Variants in PIEZO1 observed in about 807,000 individuals in gnomAD.
The protein encoded by PIEZO1 is piezo type mechanosensitive ion channel component 1 (Er blood group), also known as piezo-type mechanosensitive ion channel component 1.
Under a neutral mutation model 297.2 loss-of-function variants are expected in PIEZO1, and 296 were observed. That is an observed-to-expected ratio of 1.00 (90% CI 0.91 to 1.10). The LOEUF is 1.10. Among genes scored for constraint, PIEZO1 ranks in the 50% least tolerant of loss-of-function variants. The probability of loss-of-function intolerance (pLI) is 0.00; values close to 1 mark genes in which losing one functional copy is unlikely to be tolerated. For synonymous variants in PIEZO1, 2,427 were observed against 1,507.5 expected, an observed-to-expected ratio of 1.61 and a Z score of -14.13; for missense variants, 5,018 against 3,455.5, an observed-to-expected ratio of 1.45 and a Z score of -11.34.
rs1227330686 is a variant in PIEZO1 at position 88,733,418 on chromosome 16, C to T, written c.2524G>A (p.Ala842Thr). 2.6e-6 allele frequency: 4 copies of T among 1,549,620 alleles called. No homozygotes were observed. The highest frequency in any genetic ancestry group is 1.2e-5 in the South Asian group (1 of 84,068). The part of the protein sequence containing the change: ...VMNLLLVVLW[A>T]FALPYPRFRP... ...AAGCGTGGGTAGGGCAGGGCGAAGG[C>T]CCACAGCACCACCAGCAGCAGGTTC... The change falls in exon 19 of 51, where the codon GCC becomes ACC. Residue 842 changes from alanine (A) to threonine (T), a missense_variant. Coordinates refer to ENST00000301015, the MANE Select transcript of PIEZO1 (RefSeq NM_001142864.4).
chr16:88,747,000 TCC>T, intron 2 of PIEZO1, among the ~76,000 whole-genome samples: 1 of 152,208 alleles, frequency 6.6e-6, no homozygotes, highest in Middle Eastern at 3.4e-3. Flanking sequence ...CCCCAGCGAC[TCC>T]CAGCACTCGG....
At chr16:88,760,839 G>T (rs983307731) in intron 1 of PIEZO1, among the ~76,000 whole-genome samples, 1 of 152,270 alleles carries the variant, frequency 6.6e-6, no homozygotes, top group Non-Finnish European at 1.5e-5. Context: ...GGGGCACTGA[G>T]GAGCTTCTGG....
At chr16:88,753,644 GT>G (rs1365415393) in intron 1 of PIEZO1, among the ~76,000 whole-genome samples, 18 of 152,182 alleles carry the variant, frequency 1.2e-4, no homozygotes, top group African/African-American at 4.3e-4. Context: ...CAGGACCCAG[GT>G]CCGGGCATCC....
intron 2 of PIEZO1, among the ~76,000 whole-genome samples, chr16:88,747,011 G>A (rs750127): frequency 0.44 from 66,843 of 151,966 alleles, 14,800 homozygotes; most frequent in Middle Eastern, 0.52. Context: ...CCCAGCACTC[G>A]GCCGCACTGG....
At chr16:88,783,441 G>T (rs1015803553) in intron 1 of PIEZO1, among the ~76,000 whole-genome samples, 1 of 152,228 alleles carries the variant, frequency 6.6e-6, no homozygotes, top group Non-Finnish European at 1.5e-5. Context: ...TCTGAGAGGG[G>T]GGGCATTCCC....
intron 1 of PIEZO1, among the ~76,000 whole-genome samples, chr16:88,772,498 T>C (rs560331721): frequency 3.7e-4 from 57 of 152,278 alleles, no homozygotes; most frequent in African/African-American, 1.3e-3. Flanking sequence ...GGCCCGTGCC[T>C]GGCAGGGCAC....
chr16:88,719,875 C>T lies in PIEZO1; in HGVS notation c.6250G>A (p.Gly2084Ser), dbSNP rs966187471. 74 of 1,550,452 alleles carry T rather than the reference C, an allele frequency of 4.8e-5. No homozygotes were observed. The highest frequency in any genetic ancestry group is 6.1e-5 in the Non-Finnish European group (70 of 1,146,952). The change falls in exon 43 of 51, where the codon GGC becomes AGC. Residue 2084 changes from glycine (G) to serine (S), a missense_variant. Gly to Ser is a moderately conservative substitution (Grantham distance 56). Transcript: ENST00000301015. ...FALSAYQIRCGYPTRILGNFL... is the reference protein window; with the variant it reads ...FALSAYQIRCSYPTRILGNFL... ...TTGCCGAGGATGCGGGTGGGGTAGC[C>T]GCAGCGGATCTGGTAGGCGGACAGG... is the stretch of plus-strand genomic sequence containing the variant.
chr16:88,726,817 G>A lies in PIEZO1; in HGVS notation c.3597C>T (p.Phe1199=), dbSNP rs370654806. Reference sequence around the variant, plus strand: ...TGTCCCTCTGCAGCAGGGCCGTGCCGAAGAGCAGCAGGTAGAAGCAGGCCA... The same window carrying A: ...TGTCCCTCTGCAGCAGGGCCGTGCCAAAGAGCAGCAGGTAGAAGCAGGCCA... ...YLLACFYLLL[F]GTALLQRDTR... is the part of the protein sequence containing the mutation. Residue 1199 remains phenylalanine (F), a synonymous_variant, in exon 25 of 51, where the codon TTC becomes TTT. Transcript: ENST00000301015. 943 of 1,550,318 alleles carry A rather than the reference G, an allele frequency of 6.1e-4. 1 individual carries two copies. Among genetic ancestry groups the A allele is most frequent in the Admixed American group, 1.3e-3 (65 of 51,004 alleles).
intron 35 of PIEZO1, 78 bp from the exon 36 acceptor site, chr16:88,722,475 G>C (rs780792674): frequency 4.4e-5 from 63 of 1,441,346 alleles, no homozygotes; most frequent in African/African-American, 1.4e-5. Context: ...AGGGTGGAAA[G>C]TGCCCACGGT....
At chr16:88,717,470 T>G in intron 44 of PIEZO1, 1 of 600,754 alleles carries the variant, frequency 1.7e-6, no homozygotes, top group South Asian at 1.6e-5. Flanking sequence ...TTCAACACGG[T>G]GCAGGCACCG....
rs8053350 is a variant in PIEZO1, at chr16:88,727,995, G to A, written c.3197-334C>T. On this transcript the variant is annotated intron_variant, in intron 22 of 50. Transcript: ENST00000301015. Reference sequence around the variant, plus strand: ...GTGATAGGACAGCTCTGAAAACAACGGCCAGAAGCTGCACGGACGCCTGCA... The same window carrying A: ...GTGATAGGACAGCTCTGAAAACAACAGCCAGAAGCTGCACGGACGCCTGCA... Among the ~76,000 whole-genome samples the A allele has an allele frequency of 0.66, 99,697 of 152,178 alleles. 33,891 individuals carry two copies. Among genetic ancestry groups the A allele is most frequent in the African/African-American group, 0.84 (34,983 of 41,554 alleles).
At position 88,721,369 on chromosome 16, in the gene PIEZO1, T is replaced by G; in HGVS notation, c.5465A>C (p.Glu1822Ala). The G allele has an allele frequency of 5.8e-6, 9 of 1,549,316 alleles. No individual in the cohort carries two copies. The highest frequency in any genetic ancestry group is 7.8e-6 in the Non-Finnish European group (9 of 1,146,814). Reference sequence around the variant, plus strand: ...CCCCTCCTCGGCTCCCTGCTCCTCCTCGCCGCTCTTGTCATGCTCCTTGGA... The same window carrying G: ...CCCCTCCTCGGCTCCCTGCTCCTCCGCGCCGCTCTTGTCATGCTCCTTGGA... ...SPSKEHDKSG[E>A]EEQGAEEGPG... Residue 1822 changes from glutamate to alanine, a missense_variant, in exon 39 of 51, where the codon GAG becomes GCG. Transcript: ENST00000301015.
chr16:88,724,116 C>A, intron 30 of PIEZO1, 145 bp from the exon 31 acceptor site: 1 of 618,806 alleles, frequency 1.6e-6, no homozygotes. Context: ...CACAGGCCAG[C>A]GCGGTGGGAC....
intron 23 of PIEZO1, 147 bp downstream of exon 23, chr16:88,727,410 G>A: frequency 7.7e-6 from 5 of 650,070 alleles, no homozygotes; most frequent in Non-Finnish European, 5.2e-6. Context: ...CTGCGTGCGT[G>A]CGTGCGAGGT....
chr16:88,725,282 A>G (rs1044306108), intron 29 of PIEZO1, 134 bp downstream of exon 29: 1 of 699,208 alleles, frequency 1.4e-6, no homozygotes, highest in Non-Finnish European at 2.3e-6. Flanking sequence ...TGCCAGACAG[A>G]GGGTGATCAT....
chr16:88,725,958 C>A, intron 27 of PIEZO1: 1 of 567,958 alleles, frequency 1.8e-6, no homozygotes, highest in Non-Finnish European at 3.1e-6. Context: ...CAAGCCAGAA[C>A]CCCTCCCTGG....
chr16:88,732,661 G>T lies in PIEZO1; in HGVS notation c.2736C>A (p.Asp912Glu), dbSNP rs1223224504. 1.3e-6 allele frequency: 2 copies of T among 1,549,600 alleles called. No individual in the cohort carries two copies. Among genetic ancestry groups the T allele is most frequent in the African/African-American group, 2.7e-5 (2 of 73,032 alleles). Reference protein sequence around the residue: ...SQSLLYRGPVDPANWFGVRKG... With the variant: ...SQSLLYRGPVEPANWFGVRKG... The stretch of plus-strand genomic sequence containing the variant: ...TCCGCACCCCAAACCAGTTGGCAGG[G>T]TCCACGGGCCCCCGGTACAGCAGGG... Residue 912 changes from aspartate (D) to glutamate (E), a missense_variant, in exon 20 of 51, where the codon GAC becomes GAA. Physicochemically the swap from Asp to Glu is conservative, Grantham distance 45 (BLOSUM62 2). Coordinates refer to ENST00000301015, the MANE Select transcript of PIEZO1 (RefSeq NM_001142864.4).
chr16:88,760,162 G>T (rs894045731), intron 1 of PIEZO1, among the ~76,000 whole-genome samples: 3 of 149,986 alleles, frequency 2.0e-5, no homozygotes, highest in East Asian at 4.0e-4. Context: ...CGGGGCCTCC[G>T]TGCCCTCAGT....
At chr16:88,750,016 C>A (rs964352980) in intron 1 of PIEZO1, among the ~76,000 whole-genome samples, 1 of 151,336 alleles carries the variant, frequency 6.6e-6, no homozygotes, top group African/African-American at 2.4e-5. Context: ...GAGCAAGACT[C>A]CGCCTCAAAA....
Sources: allele counts gnomAD v4.1 joint callset (sites outside exome capture counted in the v4.1 genomes callset), GRCh38; gene constraint gnomAD v4.1.1; transcripts MANE v1.5; gene names NCBI Gene and HGNC (gene_info 2026-07-23, HGNC 2026-07-21).